Variants in CTNNA3 observed in about 807,000 individuals in gnomAD.
CTNNA3 encodes the protein catenin alpha-3.
A neutral mutation model predicts 95.7 loss-of-function variants in CTNNA3; 76 were observed. The ratio of observed to expected loss-of-function variants is 0.79; its 90% confidence interval spans 0.66 to 0.96. CTNNA3 has a LOEUF of 0.96. CTNNA3 is among the 40% of genes least tolerant of loss of function. The pLI, the probability that CTNNA3 is intolerant of heterozygous loss-of-function variation, is 0.00. For missense variants in CTNNA3, 1,191 were observed against 1,089.8 expected, an observed-to-expected ratio of 1.09 and a Z score of -1.31; for synonymous variants, 431 against 374.4, an observed-to-expected ratio of 1.15 and a Z score of -1.74.
At chr10:67,398,835 T>G (rs1292870531) in intron 5 of CTNNA3, among the ~76,000 whole-genome samples, 1 of 152,152 alleles carries the variant, frequency 6.6e-6, no homozygotes, top group African/African-American at 2.4e-5. Flanking sequence ...CCCCTTTTGC[T>G]TGGCACTCCT....
chr10:66,564,758 T>C (rs1842654731), intron 10 of CTNNA3, among the ~76,000 whole-genome samples: 1 of 152,188 alleles, frequency 6.6e-6, no homozygotes, highest in Non-Finnish European at 1.5e-5. Flanking sequence ...AGAACTAACA[T>C]ATAATACTGA....
At chr10:66,233,382 T>G (rs916967402) in intron 13 of CTNNA3, among the ~76,000 whole-genome samples, 1 of 151,968 alleles carries the variant, frequency 6.6e-6, no homozygotes, top group South Asian at 2.1e-4. Flanking sequence ...AGCTACCAAG[T>G]GAACAGTAAG....
chr10:66,296,401 A>T (rs2091777249), intron 12 of CTNNA3, among the ~76,000 whole-genome samples: 1 of 152,140 alleles, frequency 6.6e-6, no homozygotes, highest in African/African-American at 2.4e-5. Context: ...CTTCTAAACA[A>T]AAGCACGAAA....
At chr10:66,514,739 G>T (rs1268616065) in intron 11 of CTNNA3, among the ~76,000 whole-genome samples, 1 of 152,024 alleles carries the variant, frequency 6.6e-6, no homozygotes, top group South Asian at 2.1e-4. Context: ...TAAAAGAAAG[G>T]TTGTATTTTT....
chr10:67,321,196 A>T (rs758809694), intron 5 of CTNNA3, among the ~76,000 whole-genome samples: 1 of 152,250 alleles, frequency 6.6e-6, no homozygotes, highest in Non-Finnish European at 1.5e-5. Context: ...AGCACTAATT[A>T]TTCAATCACC....
intron 2 of CTNNA3, among the ~76,000 whole-genome samples, chr10:67,620,921 GTGTATATA>G (rs1425796559): frequency 2.1e-5 from 2 of 94,856 alleles, no homozygotes; most frequent in Admixed American, 1.1e-4. Context: ...GTGTGTGTGT[GTGTATATA>G]TATATATATA....
chr10:66,683,204 C>T (rs1159607458), intron 9 of CTNNA3, among the ~76,000 whole-genome samples: 1 of 152,098 alleles, frequency 6.6e-6, no homozygotes, highest in Non-Finnish European at 1.5e-5. Flanking sequence ...ATTCAAACAA[C>T]TGTGTGTGGG....
At chr10:66,321,054 A>T (rs2092177735) in intron 12 of CTNNA3, among the ~76,000 whole-genome samples, 1 of 152,138 alleles carries the variant, frequency 6.6e-6, no homozygotes, top group African/African-American at 2.4e-5. Context: ...CAGCCAGATT[A>T]TGCTCTGTAC....
In CTNNA3 at chr10:66,114,362, A is replaced by ATG. The variant is rs1222786644; in HGVS notation, c.1885-11115_1885-11114dup. 3.0e-3 allele frequency among the ~76,000 whole-genome samples: 448 copies of ATG among 151,636 alleles called. 1 individual carries two copies. Among genetic ancestry groups the ATG allele is most frequent in the African/African-American group, 1.0e-2 (412 of 41,356 alleles). On this transcript the variant is annotated intron_variant, in intron 13 of 17. Transcript: ENST00000433211. ...TTGTTAACTGAATATCTGTATATAT[A>ATG]TGTGTGTGTGTGTATATATGTGTGT...
chr10:66,673,645 T>C (rs1358740622), intron 9 of CTNNA3, among the ~76,000 whole-genome samples: 7 of 152,056 alleles, frequency 4.6e-5, no homozygotes, highest in Non-Finnish European at 8.8e-5. Flanking sequence ...TTCCTATGAT[T>C]AGATATACCA....
At chr10:67,662,379 C>T (rs1020061097) in intron 1 of CTNNA3, among the ~76,000 whole-genome samples, 1 of 152,088 alleles carries the variant, frequency 6.6e-6, no homozygotes, top group African/African-American at 2.4e-5. Context: ...TATTTTTGAA[C>T]CATGGGTAGC....
chr10:67,531,952 G>A (rs1840341866), intron 4 of CTNNA3, among the ~76,000 whole-genome samples: 1 of 151,982 alleles, frequency 6.6e-6, no homozygotes, highest in African/African-American at 2.4e-5. Context: ...CTCTCTCTTT[G>A]CCTGCTGCCG....
intron 5 of CTNNA3, among the ~76,000 whole-genome samples, chr10:67,307,465 T>A (rs749353150): frequency 2.0e-5 from 3 of 152,014 alleles, no homozygotes; most frequent in African/African-American, 7.2e-5. Flanking sequence ...ACTGATTAAT[T>A]GTTTGTTTGT....
intron 9 of CTNNA3, among the ~76,000 whole-genome samples, chr10:66,645,551 C>A (rs1003807306): frequency 2.6e-5 from 4 of 151,984 alleles, no homozygotes; most frequent in Admixed American, 6.6e-5. Context: ...TTTATGGGTC[C>A]CCTATTCCAG....
intron 2 of CTNNA3, among the ~76,000 whole-genome samples, chr10:67,641,103 T>C (rs1388314591): frequency 6.6e-6 from 1 of 152,018 alleles, no homozygotes; most frequent in Non-Finnish European, 1.5e-5. Context: ...TGCAATCTAG[T>C]CATCTGACAA....
chr10:66,892,679 T>C (rs1470653044), intron 7 of CTNNA3, among the ~76,000 whole-genome samples: 1 of 152,104 alleles, frequency 6.6e-6, no homozygotes, highest in African/African-American at 2.4e-5. Flanking sequence ...TAGCTAGCCA[T>C]GACTGTATGT....
rs148937669 is a variant in CTNNA3, at chr10:66,455,141, C to A, written c.1531+65476G>T. 3.9e-5 allele frequency among the ~76,000 whole-genome samples: 6 copies of A among 152,064 alleles called. No individual in the cohort carries two copies. In the East Asian group the frequency reaches 9.7e-4, roughly 25 times the overall value. On this transcript the variant is annotated intron_variant, in intron 11 of 17. Transcript: ENST00000433211. ...CTGGTGAAGAACATCTAAGAAAAAC[C>A]TGTGACTAATATCATACTTAATGAT... is the stretch of plus-strand genomic sequence containing the variant.
intron 9 of CTNNA3, among the ~76,000 whole-genome samples, chr10:66,739,416 C>T (rs1849253288): frequency 6.6e-6 from 1 of 152,150 alleles, no homozygotes; most frequent in South Asian, 2.1e-4. Flanking sequence ...TCCAAGGGAG[C>T]TCAATCACAG....
intron 11 of CTNNA3, among the ~76,000 whole-genome samples, chr10:66,478,508 G>A (rs781570618): frequency 6.6e-5 from 10 of 151,664 alleles, no homozygotes; most frequent in Non-Finnish European, 1.0e-4. Flanking sequence ...TTTTAAACAT[G>A]TGTAAACTAA....
Sources: gnomAD v4.1 joint callset for allele counts (sites outside exome capture counted in the v4.1 genomes callset) on GRCh38, gnomAD v4.1.1 for gene constraint, MANE v1.5 for transcripts, NCBI Gene and HGNC (gene_info 2026-07-23, HGNC 2026-07-21) for gene names.